Variants in FUT9 observed in about 807,000 individuals in gnomAD.
FUT9 encodes fucosyltransferase 9.
A neutral mutation model predicts 29.7 loss-of-function variants in FUT9; 15 were observed. The observed-to-expected ratio is 0.51, with a 90% CI of 0.34 to 0.78. The LOEUF (loss-of-function observed/expected upper bound fraction) is 0.78, where lower values mean the gene tolerates loss of function less well. Ranked by LOEUF, FUT9 falls within the 30% of genes least tolerant of loss-of-function variation. The pLI, the probability that FUT9 is intolerant of heterozygous loss-of-function variation, is 0.01. For synonymous variants in FUT9, 169 were observed against 153.7 expected (o/e 1.10, Z -0.74); for missense variants, 319 against 425.4 (o/e 0.75, Z 2.20).
intron 1 of FUT9, among the ~76,000 whole-genome samples, chr6:96,096,945 G>C (rs949628289): frequency 6.6e-6 from 1 of 152,022 alleles, no homozygotes; most frequent in Admixed American, 6.6e-5. Flanking sequence ...GAATATCTCT[G>C]GTGTTAGAGC....
intron 1 of FUT9, among the ~76,000 whole-genome samples, chr6:96,094,274 G>A (rs1771459520): frequency 6.6e-6 from 1 of 152,226 alleles, no homozygotes; most frequent in East Asian, 1.9e-4. Context: ...TTCATGCTGT[G>A]TTGGTCATTT....
chr6:96,055,709 C>CT (rs113298226), intron 1 of FUT9, among the ~76,000 whole-genome samples: 15,298 of 45,456 alleles, frequency 0.34, 1,321 homozygotes, highest in African/African-American at 0.47. Context: ...ATTTCTTTTT[C>CT]TTTTTTTTTT....
intron 2 of FUT9, among the ~76,000 whole-genome samples, chr6:96,151,958 G>C (rs1197240280): frequency 1.3e-5 from 2 of 151,854 alleles, no homozygotes; most frequent in South Asian, 2.1e-4. Context: ...GAGAGATGAA[G>C]TAGAGAAGCA....
At chr6:96,064,728 C>G (rs1308857517) in intron 1 of FUT9, among the ~76,000 whole-genome samples, 1 of 152,038 alleles carries the variant, frequency 6.6e-6, no homozygotes, top group Non-Finnish European at 1.5e-5. Flanking sequence ...TTATCTTTAT[C>G]TTTCACCTTA....
chr6:96,150,789 A>T (rs1261794579), intron 2 of FUT9, among the ~76,000 whole-genome samples: 1 of 152,228 alleles, frequency 6.6e-6, no homozygotes, highest in Non-Finnish European at 1.5e-5. Context: ...AACCTATTAC[A>T]TGAGCTGTGT....
chr6:96,129,101 CAAA>C (rs34943333), intron 2 of FUT9, among the ~76,000 whole-genome samples: 30 of 134,522 alleles, frequency 2.2e-4, no homozygotes, highest in African/African-American at 7.6e-4. Flanking sequence ...ACTAAAAATA[CAAA>C]AAAAAAAAAA....
rs556728932 is a variant in FUT9 at position 96,028,430 on chromosome 6, G to T, written c.-98+12218G>T. Among the ~76,000 whole-genome samples, 5 of 151,600 alleles carry T rather than the reference G, an allele frequency of 3.3e-5. No homozygotes were observed. The South Asian group carries it at 1.0e-3, about 31-fold the overall frequency. On this transcript the variant is annotated intron_variant, in intron 1 of 2. Coordinates refer to ENST00000302103, the MANE Select transcript of FUT9 (RefSeq NM_006581.4). ...TGTTTAATGTTTTTAATTAAACAAAGACTTAATATCAACTATTTAGCTGAG... is the reference window on the plus strand; with the variant it reads ...TGTTTAATGTTTTTAATTAAACAAATACTTAATATCAACTATTTAGCTGAG...
intron 2 of FUT9, among the ~76,000 whole-genome samples, chr6:96,153,875 T>G (rs959450450): frequency 1.3e-5 from 2 of 152,218 alleles, no homozygotes; most frequent in Non-Finnish European, 1.5e-5. Flanking sequence ...ACATTTCTTT[T>G]GCTAAGTAAT....
At chr6:96,141,177 T>C (rs552835062) in intron 2 of FUT9, among the ~76,000 whole-genome samples, 3 of 152,204 alleles carry the variant, frequency 2.0e-5, no homozygotes, top group Non-Finnish European at 4.4e-5. Flanking sequence ...ATGATAAGTT[T>C]CTTCTGAAAT....
intron 1 of FUT9, among the ~76,000 whole-genome samples, chr6:96,047,699 C>T: frequency 6.6e-6 from 1 of 152,088 alleles, no homozygotes; most frequent in East Asian, 1.9e-4. Context: ...AAGAATAAAA[C>T]AAGGGTTACG....
chr6:96,156,858 T>A (rs907700570), intron 2 of FUT9, among the ~76,000 whole-genome samples: 4 of 152,222 alleles, frequency 2.6e-5, no homozygotes, highest in Admixed American at 6.5e-5. Context: ...ATCTCCTTTT[T>A]AATGTGTGCT....
At chr6:96,176,195 G>A (rs1773200854) in intron 2 of FUT9, among the ~76,000 whole-genome samples, 1 of 152,016 alleles carries the variant, frequency 6.6e-6, no homozygotes, top group Non-Finnish European at 1.5e-5. Context: ...CCACACTATT[G>A]GTTTCCCTGG....
intron 1 of FUT9, among the ~76,000 whole-genome samples, chr6:96,062,014 A>C (rs2127944249): frequency 6.6e-6 from 1 of 152,230 alleles, no homozygotes; most frequent in Admixed American, 6.5e-5. Flanking sequence ...GATTGGCTTA[A>C]TTAACAATAT....
At chr6:96,032,324 C>A (rs9485554) in intron 1 of FUT9, among the ~76,000 whole-genome samples, 66,414 of 151,346 alleles carry the variant, frequency 0.44, 14,630 homozygotes, top group Non-Finnish European at 0.46. Flanking sequence ...TATGATATGC[C>A]TTTTTAAATT....
chr6:96,119,879 A>G (rs1174897467), intron 2 of FUT9, among the ~76,000 whole-genome samples: 1 of 152,150 alleles, frequency 6.6e-6, no homozygotes, highest in African/African-American at 2.4e-5. Context: ...ATACTTTACT[A>G]GGCTATTTGA....
chr6:96,128,352 G>A (rs1329660262), intron 2 of FUT9, among the ~76,000 whole-genome samples: 4 of 151,976 alleles, frequency 2.6e-5, no homozygotes, highest in African/African-American at 9.7e-5. Context: ...TTTCACAAAG[G>A]AAATAAAAAT....
chr6:96,185,232 C>T (rs1023840608), intron 2 of FUT9, among the ~76,000 whole-genome samples: 2 of 151,758 alleles, frequency 1.3e-5, no homozygotes, highest in Non-Finnish European at 2.9e-5. Flanking sequence ...GAAAGCAAGA[C>T]CAACATCATT....
chr6:96,177,080 C>T (rs1480276852), intron 2 of FUT9, among the ~76,000 whole-genome samples: 1 of 152,128 alleles, frequency 6.6e-6, no homozygotes, highest in Non-Finnish European at 1.5e-5. Context: ...ACTTCTATCT[C>T]CTTTAAATAT....
At chr6:96,077,631 C>T (rs1771160907) in intron 1 of FUT9, among the ~76,000 whole-genome samples, 1 of 152,096 alleles carries the variant, frequency 6.6e-6, no homozygotes, top group African/African-American at 2.4e-5. Context: ...TCTGTAGATT[C>T]CCTACAGCTC....
Sources: allele counts gnomAD v4.1 joint callset (sites outside exome capture counted in the v4.1 genomes callset), GRCh38; gene constraint gnomAD v4.1.1; transcripts MANE v1.5; gene names NCBI Gene and HGNC (gene_info 2026-07-23, HGNC 2026-07-21).